The following TAB2 variants were observed in gnomAD, a reference collection of about 807,000 sequenced individuals.
TAB2 encodes the protein TGF-beta-activated kinase 1 and MAP3K7-binding protein 2.
Under a neutral mutation model 65.0 loss-of-function variants are expected in TAB2, and 3 were observed. That is an observed-to-expected ratio of 0.05 (90% CI 0.02 to 0.12). The LOEUF (loss-of-function observed/expected upper bound fraction) is 0.12. Ranked by LOEUF, TAB2 falls within the 10% of genes least tolerant of loss-of-function variation. TAB2 has a pLI of 1.00. For synonymous variants in TAB2, 298 were observed against 285.1 expected (o/e 1.05, Z -0.46); for missense variants, 623 against 840.3 (o/e 0.74, Z 3.20).
At position 149,378,335 on chromosome 6, in the gene TAB2, T is replaced by C. The variant is rs748180025; in HGVS notation, c.420T>C (p.Phe140=). ...AAGTTCCTCAAGGCTTTAATGTTTT[T>C]GGAATGTCCAGTTCCTCTGGTGCTT... ...PAQVPQGFNV[F]GMSSSSGASN... Residue 140 remains phenylalanine, a synonymous_variant, in exon 3 of 7, where the codon TTT becomes TTC. Transcript: ENST00000637181. 1.9e-5 allele frequency: 31 copies of C among 1,614,120 alleles called. No individual in the cohort carries two copies. Among genetic ancestry groups the C allele is most frequent in the Non-Finnish European group, 2.5e-5 (29 of 1,180,048 alleles).
chr6:149,250,645 T>C (rs1021307070), intron 1 of TAB2, among the ~76,000 whole-genome samples: 1 of 152,174 alleles, frequency 6.6e-6, no homozygotes, highest in African/African-American at 2.4e-5. Flanking sequence ...CATTATTACA[T>C]CTGGGTTTCA....
intron 1 of TAB2, among the ~76,000 whole-genome samples, chr6:149,306,441 T>C (rs1779071995): frequency 6.6e-6 from 1 of 151,530 alleles, no homozygotes. Flanking sequence ...TCCCAGCTAC[T>C]CGGGAGGCTG....
At chr6:149,298,679 C>T (rs924421646) in intron 1 of TAB2, among the ~76,000 whole-genome samples, 2 of 151,970 alleles carry the variant, frequency 1.3e-5, no homozygotes, top group African/African-American at 4.8e-5. Context: ...TTTTGAGCTT[C>T]AGGTTTTTCT....
chr6:149,271,259 T>C, intron 1 of TAB2, among the ~76,000 whole-genome samples: 1 of 152,146 alleles, frequency 6.6e-6, no homozygotes, highest in East Asian at 1.9e-4. Flanking sequence ...TGACTGTGTT[T>C]GGAAACTCCT....
chr6:149,399,252 T>C, intron 6 of TAB2, 68 bp downstream of exon 6: 1 of 1,143,822 alleles, frequency 8.7e-7, no homozygotes, highest in East Asian at 2.4e-5. Flanking sequence ...ATTTTTCCTG[T>C]TCAGCAACCT....
At chr6:149,360,088 A>T (rs1409667813) in intron 1 of TAB2, among the ~76,000 whole-genome samples, 1 of 152,112 alleles carries the variant, frequency 6.6e-6, no homozygotes, top group African/African-American at 2.4e-5. Flanking sequence ...TTTATTCAAA[A>T]TTTTTGTGCC....
chr6:149,240,907 A>T (rs1777585466), intron 1 of TAB2, among the ~76,000 whole-genome samples: 1 of 152,156 alleles, frequency 6.6e-6, no homozygotes, highest in African/African-American at 2.4e-5. Context: ...CTAACCCCAA[A>T]TGTGACAATA....
chr6:149,318,000 G>A lies in TAB2; in HGVS notation c.-105G>A, dbSNP rs532235534. On this transcript the variant is annotated 5_prime_UTR_variant, in exon 1 of 7. Coordinates refer to ENST00000637181, the MANE Select transcript of TAB2 (RefSeq NM_001292034.3). The surrounding 1 kb of genome is among the most constrained non-coding windows in gnomAD (Gnocchi z 4.7). The stretch of plus-strand genomic sequence containing the variant: ...GGCGGCCGAGGAGGAGGAGGGGGAA[G>A]CGGCGGCGGCAAAGGGTAAGCGGAC... 1.1e-4 allele frequency: 19 copies of A among 171,922 alleles called. 1 individual carries two copies. In the East Asian group the frequency reaches 2.2e-3, roughly 20 times the overall value. 10.6% of individuals were successfully genotyped at this position (171,922 alleles called of 1,614,324 possible). A position where few individuals can be genotyped will look rare whatever the true frequency, so the allele number is the denominator to read the frequency against.
chr6:149,273,066 T>C (rs1394740899), intron 1 of TAB2, among the ~76,000 whole-genome samples: 3 of 151,778 alleles, frequency 2.0e-5, no homozygotes, highest in East Asian at 1.9e-4. Flanking sequence ...AAAAATTGCC[T>C]TTCATGAAAC....
At position 149,403,335 on chromosome 6, in the gene TAB2, TATATACACAC is replaced by T. The variant is rs1475945580; in HGVS notation, c.1939+4153_1939+4162del. Among the ~76,000 whole-genome samples, 51 of 33,414 alleles carry T rather than the reference TATATACACAC, an allele frequency of 1.5e-3. No individual in the cohort carries two copies. The South Asian group carries it at 0.037, about 24-fold the overall frequency. 21.9% of individuals were successfully genotyped at this position (33,414 alleles called of 152,430 possible). The stretch of plus-strand genomic sequence containing the variant: ...ATATACACACACATATATATACATA[TATATACACAC>T]ACACACACACACACACACACACACA... On this transcript the variant is annotated intron_variant, in intron 6 of 6. Transcript: ENST00000637181.
At chr6:149,259,390 G>A (rs1192633886) in intron 1 of TAB2, among the ~76,000 whole-genome samples, 1 of 147,654 alleles carries the variant, frequency 6.8e-6, no homozygotes, top group African/African-American at 2.6e-5. Flanking sequence ...CAATCTGGGA[G>A]AGGGCTCTGC....
upstream of TAB2, among the ~76,000 whole-genome samples, chr6:149,315,019 C>G (rs1779226661): frequency 6.6e-6 from 1 of 152,208 alleles, no homozygotes; most frequent in South Asian, 2.1e-4. Context: ...TACACAAAGA[C>G]TCCTAACTAT....
At chr6:149,363,177 C>T (rs904617058) in intron 1 of TAB2, among the ~76,000 whole-genome samples, 2 of 152,046 alleles carry the variant, frequency 1.3e-5, no homozygotes, top group Admixed American at 1.3e-4. Context: ...TGTAAAGTAA[C>T]TGGGCAGAGG....
intron 1 of TAB2, among the ~76,000 whole-genome samples, chr6:149,232,536 G>A (rs1474842409): frequency 6.6e-6 from 1 of 152,084 alleles, no homozygotes; most frequent in Non-Finnish European, 1.5e-5. Context: ...CCAGGAGCTT[G>A]ATATATTAAC....
Position 149,257,828 on chromosome 6 carries a change from C to T in TAB2, c.-121+39052C>T, listed in dbSNP as rs533585352. Among the ~76,000 whole-genome samples, 122 of 152,044 alleles carry T rather than the reference C, an allele frequency of 8.0e-4. 2 individuals are homozygous for T. Among genetic ancestry groups the T allele is most frequent in the African/African-American group, 2.7e-3 (112 of 41,430 alleles). ...CCTGGGGGAGCAAGACAAGCACAAG[C>T]GAGGGCAAGTGAATGCAACTCTAAG... is the stretch of plus-strand genomic sequence containing the variant. On this transcript the variant is annotated intron_variant, in intron 1 of 1. Coordinates refer to the TAB2 transcript ENST00000606202.
chr6:149,382,224 A>G (rs1260348906), intron 3 of TAB2, among the ~76,000 whole-genome samples: 5 of 152,152 alleles, frequency 3.3e-5, no homozygotes, highest in Admixed American at 2.0e-4. Context: ...TTTTATTTGC[A>G]CTAGTATTAT....
chr6:149,244,255 C>T (rs1777656767), intron 1 of TAB2: 1 of 152,232 alleles, frequency 6.6e-6, no homozygotes, highest in Admixed American at 6.5e-5. Context: ...TCAACTGAGC[C>T]TCTACTACAT....
rs1437797443 is a variant in TAB2 at position 149,403,337 on chromosome 6, TATAC to T, written c.1939+4155_1939+4158del. ...ATACACACACATATATATACATATA[TATAC>T]ACACACACACACACACACACACACA... On this transcript the variant is annotated intron_variant, in intron 6 of 6. Transcript: ENST00000637181. 2.0e-3 allele frequency among the ~76,000 whole-genome samples: 103 copies of T among 51,496 alleles called. 2 individuals carry two copies. Among genetic ancestry groups the T allele is most frequent in the East Asian group, 1.1e-3 (4 of 3,596 alleles). The allele number at this position is 51,496 out of a possible 152,430, so 33.8% of individuals were successfully genotyped here.
At chr6:149,406,420 G>C (rs1192374889) in intron 6 of TAB2, among the ~76,000 whole-genome samples, 1 of 152,154 alleles carries the variant, frequency 6.6e-6, no homozygotes, top group Non-Finnish European at 1.5e-5. Context: ...GAGAGGTTGA[G>C]AAAAACAAAA....
Sources: gnomAD v4.1 joint callset for allele counts (sites outside exome capture counted in the v4.1 genomes callset) on GRCh38, gnomAD v4.1.1 for gene constraint, Gnocchi (gnomAD v3.1) non-coding constraint, MANE v1.5 for transcripts, NCBI Gene and HGNC (gene_info 2026-07-23, HGNC 2026-07-21) for gene names.